The following LATS1 variants were observed in gnomAD, a reference collection of about 807,000 sequenced individuals.
The protein encoded by LATS1 is large tumor suppressor kinase 1.
Under a neutral mutation model 106.6 loss-of-function variants are expected in LATS1, and 25 were observed. That is an observed-to-expected ratio of 0.23 (90% confidence interval 0.17 to 0.33). The LOEUF (loss-of-function observed/expected upper bound fraction) is 0.33. Among genes scored for constraint, LATS1 ranks in the 10% least tolerant of loss-of-function variants. LATS1 has a pLI of 1.00. For missense variants in LATS1, 1,040 were observed against 1,382.6 expected (o/e 0.75, Z 3.93); for synonymous variants, 465 against 455.6 (o/e 1.02, Z -0.26).
At chr6:149,712,588 C>T (rs1033684302) in intron 1 of LATS1, among the ~76,000 whole-genome samples, 8 of 151,706 alleles carry the variant, frequency 5.3e-5, no homozygotes, top group Non-Finnish European at 8.8e-5. Flanking sequence ...TGGCCTCAAG[C>T]GATCCTCCCA....
intron 1 of LATS1, among the ~76,000 whole-genome samples, chr6:149,712,873 C>T (rs1413703292): frequency 6.6e-6 from 1 of 151,952 alleles, no homozygotes; most frequent in African/African-American, 2.4e-5. Context: ...TGTGCACCTG[C>T]AGTCCCAGCT....
rs116756153 is a variant in LATS1 at position 149,714,623 on chromosome 6, A to C, written c.-141+3226T>G. ...AATTCAATTAAGAAGAAGAAAAAAA[A>C]ACTAAGTAAGCAAAAATGAAAGGCA... On this transcript the variant is annotated intron_variant, in intron 1 of 7. Transcript: ENST00000543571. 1.6e-3 allele frequency among the ~76,000 whole-genome samples: 248 copies of C among 152,330 alleles called. 1 individual carries two copies. Among genetic ancestry groups the C allele is most frequent in the African/African-American group, 5.6e-3 (234 of 41,574 alleles).
Position 149,682,859 on chromosome 6 carries a change from C to T in LATS1, c.2010+220G>A, listed in dbSNP as rs957305037. 2.4e-4 allele frequency: 131 copies of T among 538,110 alleles called. 1 individual carries two copies. The highest frequency in any genetic ancestry group is 1.5e-3 in the Admixed American group (41 of 26,788). 33.3% of individuals were successfully genotyped at this position (538,110 alleles called of 1,614,324 possible). A position where few individuals can be genotyped will look rare whatever the true frequency, so the allele number is the denominator to read the frequency against. ...CAAATTATATTTTTCTTAATTTACACGAGATTTTATTATAGGAAATTCTGA... is the reference window on the plus strand; with the variant it reads ...CAAATTATATTTTTCTTAATTTACATGAGATTTTATTATAGGAAATTCTGA... On this transcript the variant is annotated intron_variant, in intron 4 of 7. Coordinates refer to ENST00000543571, the MANE Select transcript of LATS1 (RefSeq NM_004690.4).
chr6:149,676,689 T>A lies in LATS1; in HGVS notation c.2642A>T (p.Asp881Val). The change falls in exon 6 of 8, where the codon GAT becomes GTT. Residue 881 changes from aspartate to valine, a missense_variant. Around this residue, in one of 7 missense-constraint regions of LATS1, gnomAD observed 63 missense variants for 64.3 expected, o/e 0.98. Coordinates refer to ENST00000543571, the MANE Select transcript of LATS1 (RefSeq NM_004690.4). ...GTCTCCACATCGACAGCTTGAGGGA[T>A]CCCCCCATTCATTACTGAAATCCAT... ...DSMDFSNEWG[D>V]PSSCRCGDRL... 18 of 1,613,928 alleles carry A rather than the reference T, an allele frequency of 1.1e-5. No individual in the cohort carries two copies. The highest frequency in any genetic ancestry group is 1.3e-5 in the Non-Finnish European group (15 of 1,179,940).
intron 5 of LATS1, among the ~76,000 whole-genome samples, chr6:149,677,904 C>T (rs1218488653): frequency 6.6e-6 from 1 of 151,554 alleles, no homozygotes; most frequent in African/African-American, 2.4e-5. Flanking sequence ...CTTGTAATTC[C>T]AGCTACTTGG....
chr6:149,713,317 CAG>C (rs1209213751), intron 1 of LATS1, among the ~76,000 whole-genome samples: 1 of 150,824 alleles, frequency 6.6e-6, no homozygotes. Context: ...TTTTTTGAGA[CAG>C]AGTCTCCCTC....
At chr6:149,715,973 T>C (rs1784364520) in intron 1 of LATS1, among the ~76,000 whole-genome samples, 1 of 152,106 alleles carries the variant, frequency 6.6e-6, no homozygotes, top group South Asian at 2.1e-4. Context: ...ACCTACCCCA[T>C]AACTTTCAAT....
intron 2 of LATS1, among the ~76,000 whole-genome samples, chr6:149,701,062 C>T (rs1783431282): frequency 6.6e-6 from 1 of 152,212 alleles, no homozygotes; most frequent in African/African-American, 2.4e-5. Context: ...GGATTACAGG[C>T]GTGAGCCACT....
chr6:149,685,534 C>T (rs867327615), intron 3 of LATS1, among the ~76,000 whole-genome samples: 54 of 152,032 alleles, frequency 3.6e-4, no homozygotes, highest in Non-Finnish European at 7.2e-4. Context: ...TACAGGCGCA[C>T]GCCACCACGC....
In LATS1 at chr6:149,695,978, C is replaced by G. The variant is rs1004928963; in HGVS notation, c.349-757G>C. On this transcript the variant is annotated intron_variant, in intron 2 of 7. Transcript: ENST00000543571. ...GGAGTGCAATGGTGCGATCTTGGCT[C>G]ACTAGCAACTTCTACCTCCTGGGCT... Among the ~76,000 whole-genome samples, 4 of 151,590 alleles carry G rather than the reference C, an allele frequency of 2.6e-5. No individual in the cohort carries two copies. The South Asian group carries it at 8.3e-4, about 31-fold the overall frequency.
At chr6:149,697,184 C>T (rs761824873) in intron 2 of LATS1, 1 of 1,304,450 alleles carries the variant, frequency 7.7e-7, no homozygotes, top group Non-Finnish European at 1.0e-6. Flanking sequence ...ACAGATGATC[C>T]TCCTATATGA....
intron 1 of LATS1, 50 bp from the exon 2 acceptor site, chr6:149,702,316 T>C: frequency 2.0e-6 from 1 of 499,560 alleles, no homozygotes; most frequent in Non-Finnish European, 3.5e-6. Context: ...AATACAGCAG[T>C]ACCATGTATT....
chr6:149,700,825 C>T (rs2114949762), intron 2 of LATS1, among the ~76,000 whole-genome samples: 1 of 152,308 alleles, frequency 6.6e-6, no homozygotes, highest in Admixed American at 6.5e-5. Flanking sequence ...CTCTTGTTGA[C>T]CAGGCTGGAG....
At chr6:149,693,188 G>A (rs955474823) in intron 3 of LATS1, among the ~76,000 whole-genome samples, 4 of 151,894 alleles carry the variant, frequency 2.6e-5, no homozygotes, top group African/African-American at 7.3e-5. Context: ...GCTTGAACCC[G>A]GGAGGCGGAG....
At chr6:149,682,078 C>T (rs1472007069) in intron 4 of LATS1, among the ~76,000 whole-genome samples, 1 of 147,984 alleles carries the variant, frequency 6.8e-6, no homozygotes, top group Non-Finnish European at 1.5e-5. Flanking sequence ...CGCCACTGCA[C>T]TCCAGCCTGG....
chr6:149,707,818 G>C (rs1385515375), intron 1 of LATS1, among the ~76,000 whole-genome samples: 1 of 152,134 alleles, frequency 6.6e-6, no homozygotes, highest in Non-Finnish European at 1.5e-5. Flanking sequence ...TTCATTTGTT[G>C]AAAACTGTTG....
At chr6:149,692,949 C>T (rs1430871623) in intron 3 of LATS1, among the ~76,000 whole-genome samples, 2 of 151,720 alleles carry the variant, frequency 1.3e-5, no homozygotes, top group Admixed American at 6.6e-5. Context: ...GCTGGGATTA[C>T]AGGCATAAGC....
chr6:149,700,748 C>T (rs1205636089), intron 2 of LATS1, among the ~76,000 whole-genome samples: 1 of 151,850 alleles, frequency 6.6e-6, no homozygotes, highest in African/African-American at 2.4e-5. Flanking sequence ...AATATTTTTG[C>T]AATCAGAAAA....
In LATS1 at chr6:149,691,002, G is replaced by GTT. The variant is rs200655898; in HGVS notation, c.496+4070_496+4071dup. On this transcript the variant is annotated intron_variant, in intron 3 of 7. Coordinates refer to ENST00000543571, the MANE Select transcript of LATS1 (RefSeq NM_004690.4). ...GAAACACTTCTTGAAGGTATACCTT[G>GTT]TTTTTTTTTACTACTACATATCCTA... 2.0e-5 allele frequency among the ~76,000 whole-genome samples: 3 copies of GTT among 151,288 alleles called. No homozygotes were observed. The South Asian group carries it at 6.3e-4, about 32-fold the overall frequency.
Sources: allele counts gnomAD v4.1 joint callset (sites outside exome capture counted in the v4.1 genomes callset), GRCh38; gene constraint gnomAD v4.1.1; regional missense constraint gnomAD v4.1.1; transcripts MANE v1.5; gene names NCBI Gene and HGNC (gene_info 2026-07-23, HGNC 2026-07-21).